Variants in MTREX observed in about 807,000 individuals in gnomAD.
The protein encoded by MTREX is Mtr4 exosome RNA helicase, also known as exosome RNA helicase MTR4.
Under a neutral mutation model 135.4 loss-of-function variants are expected in MTREX, and 76 were observed. The observed-to-expected ratio is 0.56, with a 90% CI of 0.47 to 0.68. The LOEUF is 0.68. Ranked by LOEUF, MTREX falls within the 30% of genes least tolerant of loss-of-function variation. The pLI is 0.00. For missense variants in MTREX, 920 were observed against 1,262.1 expected (o/e 0.73, Z 4.11); for synonymous variants, 404 against 401.6 (o/e 1.01, Z -0.07).
intron 23 of MTREX, among the ~76,000 whole-genome samples, chr5:55,413,147 T>G (rs1750909883): frequency 6.6e-6 from 1 of 152,052 alleles, no homozygotes; most frequent in Admixed American, 6.6e-5. Context: ...GACACCAGTC[T>G]GACCAACATG....
rs28404564 is a variant in MTREX at position 55,402,852 on chromosome 5, A to G, written c.2481+2431A>G. Among the ~76,000 whole-genome samples, 994 of 114,498 alleles carry G rather than the reference A, an allele frequency of 8.7e-3. 11 individuals carry two copies. The highest frequency in any genetic ancestry group is 0.028 in the African/African-American group (887 of 31,944). The allele number at this position is 114,498 out of a possible 152,430, so 75.1% of individuals were successfully genotyped here. Reference sequence around the variant, plus strand: ...TGTGTGTGTGTGTGTATGTGTATGTATGTGTGTGTGTGTGTGTGTGTATAT... The same window carrying G: ...TGTGTGTGTGTGTGTATGTGTATGTGTGTGTGTGTGTGTGTGTGTGTATAT... On this transcript the variant is annotated intron_variant, in intron 21 of 26. Transcript: ENST00000230640.
chr5:55,350,245 A>G (rs923907071), intron 12 of MTREX, among the ~76,000 whole-genome samples: 1 of 152,212 alleles, frequency 6.6e-6, no homozygotes, highest in African/African-American at 2.4e-5. Context: ...GTTGAGTGGA[A>G]AGAAACATTG....
chr5:55,327,732 A>T lies in MTREX; in HGVS notation c.356A>T (p.Glu119Val). Residue 119 changes from glutamate to valine, a missense_variant, in exon 4 of 27, where the codon GAA (glutamate) becomes GTA (valine). By Grantham distance (121) the Glu-to-Val change is moderately radical. Transcript: ENST00000230640. The part of the protein sequence containing the change: ...GCTHEVALPA[E>V]EDYLPLKPRV... ...TGTTGTCAGGTTGCACTTCCTGCAGAAGAGGATTATTTACCACTTAAACCA... is the reference window on the plus strand; with the variant it reads ...TGTTGTCAGGTTGCACTTCCTGCAGTAGAGGATTATTTACCACTTAAACCA... 1 of 1,613,318 alleles carries T rather than the reference A, an allele frequency of 6.2e-7. No homozygotes were observed. The highest frequency in any genetic ancestry group is 8.5e-7 in the Non-Finnish European group (1 of 1,179,592).
intron 11 of MTREX, among the ~76,000 whole-genome samples, chr5:55,349,185 C>CT (rs369214186): frequency 0.014 from 1,774 of 128,702 alleles, 30 homozygotes; most frequent in East Asian, 0.028. Context: ...TTTAAAGACT[C>CT]TTTTTTTTTT....
intron 16 of MTREX, among the ~76,000 whole-genome samples, chr5:55,376,520 G>C (rs1024866099): frequency 6.6e-6 from 1 of 152,200 alleles, no homozygotes; most frequent in Non-Finnish European, 1.5e-5. Context: ...TGCAGTGACT[G>C]TAATGAGGCC....
intron 13 of MTREX, 102 bp downstream of exon 13, chr5:55,351,131 G>T: frequency 7.6e-7 from 1 of 1,313,848 alleles, no homozygotes; most frequent in South Asian, 1.9e-5. Context: ...TTTTTAACAA[G>T]GCTTAATGAA....
rs192505385 is a variant in MTREX, at chr5:55,366,707, A to T, written c.1660-18A>T. The stretch of plus-strand genomic sequence containing the variant: ...TTATTTGGAAAACTACAAAATTGAC[A>T]TTTTTTTTCTCTCTTAGGGCTCCGC... On this transcript the variant is annotated intron_variant, in intron 15 of 26. Coordinates refer to ENST00000230640, the MANE Select transcript of MTREX (RefSeq NM_015360.5). 1.7e-4 allele frequency: 255 copies of T among 1,513,758 alleles called. 1 individual carries two copies. The East Asian group carries it at 4.7e-3, about 28-fold the overall frequency. 93.8% of individuals were successfully genotyped at this position (1,513,758 alleles called of 1,614,324 possible). A position where few individuals can be genotyped will look rare whatever the true frequency, so the allele number is the denominator to read the frequency against.
At chr5:55,340,233 T>C (rs757300555) in intron 6 of MTREX, 49 bp downstream of exon 6, 3 of 1,391,144 alleles carry the variant, frequency 2.2e-6, no homozygotes, top group South Asian at 3.4e-5. Context: ...ATTAAATTAA[T>C]GTGACTATTC....
At chr5:55,392,621 C>T (rs986089700) in intron 19 of MTREX, among the ~76,000 whole-genome samples, 2 of 151,762 alleles carry the variant, frequency 1.3e-5, no homozygotes, top group Admixed American at 1.3e-4. Context: ...CATCAACCCT[C>T]AGCTAGGCAG....
intron 16 of MTREX, among the ~76,000 whole-genome samples, chr5:55,376,858 T>C (rs1444815525): frequency 6.6e-6 from 1 of 151,496 alleles, no homozygotes; most frequent in Non-Finnish European, 1.5e-5. Context: ...TCACTTGAGG[T>C]CAGGAGTTCA....
At chr5:55,380,496 C>G (rs1371032196) in intron 18 of MTREX, among the ~76,000 whole-genome samples, 6 of 152,062 alleles carry the variant, frequency 3.9e-5, no homozygotes, top group African/African-American at 1.4e-4. Flanking sequence ...AATATTATGT[C>G]AAATATTTCT....
chr5:55,389,354 T>C (rs894218966), intron 19 of MTREX, among the ~76,000 whole-genome samples: 1 of 152,218 alleles, frequency 6.6e-6, no homozygotes, highest in Non-Finnish European at 1.5e-5. Context: ...GTCATAGCAC[T>C]CTTACACTGA....
intron 19 of MTREX, among the ~76,000 whole-genome samples, chr5:55,395,554 C>G (rs1750633803): frequency 6.6e-6 from 1 of 152,140 alleles, no homozygotes; most frequent in Admixed American, 6.5e-5. Context: ...TTTACAAAGT[C>G]TCTAAAGGCT....
At chr5:55,314,191 A>G (rs138638027) in intron 1 of MTREX, among the ~76,000 whole-genome samples, 1 of 152,354 alleles carries the variant, frequency 6.6e-6, no homozygotes, top group Non-Finnish European at 1.5e-5. Context: ...GTAACTAAGT[A>G]GGCATTTTTG....
rs1351257239 is a variant in MTREX, at chr5:55,362,054, C to CT, written c.1659+3357dup. ...ACCTTAGCCTCCCAAGTAGCTGGGA[C>CT]TACAGGCATGCACCACCACGTCTGG... On this transcript the variant is annotated intron_variant, in intron 15 of 26. Coordinates refer to ENST00000230640, the MANE Select transcript of MTREX (RefSeq NM_015360.5). 4.0e-5 allele frequency among the ~76,000 whole-genome samples: 6 copies of CT among 148,534 alleles called. No homozygotes were observed. In the East Asian group the frequency reaches 1.2e-3, roughly 30 times the overall value.
Position 55,392,564 on chromosome 5 carries a change from AT to A in MTREX, c.2181+4464del, listed in dbSNP as rs1281572090. ...TCTAAAAAAAAAAAAAAAAAAAAAA[AT>A]TCCCCAGTCTTTACTTAGAGGCTTT... On this transcript the variant is annotated intron_variant, in intron 19 of 26. Transcript: ENST00000230640. 3.9e-3 allele frequency among the ~76,000 whole-genome samples: 511 copies of A among 131,884 alleles called. 2 individuals are homozygous for A. The highest frequency in any genetic ancestry group is 0.013 in the African/African-American group (465 of 35,186). The allele number at this position is 131,884 out of a possible 152,430, so 86.5% of individuals were successfully genotyped here. A position where few individuals can be genotyped will look rare whatever the true frequency, so the allele number is the denominator to read the frequency against.
intron 19 of MTREX, among the ~76,000 whole-genome samples, chr5:55,394,793 G>A (rs1750622436): frequency 6.6e-6 from 1 of 152,124 alleles, no homozygotes; most frequent in African/African-American, 2.4e-5. Flanking sequence ...AGCATTTTGG[G>A]AGGCAAAGGC....
At chr5:55,318,889 A>G (rs1749242510) in intron 1 of MTREX, among the ~76,000 whole-genome samples, 1 of 152,168 alleles carries the variant, frequency 6.6e-6, no homozygotes, top group South Asian at 2.1e-4. Context: ...CATTTCAGGT[A>G]GTGTGAGTAC....
At chr5:55,335,235 G>A (rs1749536128) in intron 5 of MTREX, among the ~76,000 whole-genome samples, 1 of 152,010 alleles carries the variant, frequency 6.6e-6, no homozygotes, top group South Asian at 2.1e-4. Flanking sequence ...AAAAGCAGAT[G>A]TGATTTATAA....
Sources: gnomAD v4.1 joint callset for allele counts (sites outside exome capture counted in the v4.1 genomes callset) on GRCh38, gnomAD v4.1.1 for gene constraint, MANE v1.5 for transcripts, NCBI Gene and HGNC (gene_info 2026-07-23, HGNC 2026-07-21) for gene names.